The following CDHR5 variants were observed in gnomAD, a reference collection of about 807,000 sequenced individuals.
CDHR5 encodes the protein cadherin-related family member 5.
CDHR5 carries 82 observed loss-of-function variants against 69.5 expected under a neutral mutation model. That is an observed-to-expected ratio of 1.18 (90% CI 0.99 to 1.42). The LOEUF (loss-of-function observed/expected upper bound fraction) is 1.42, where lower values mean the gene tolerates loss of function less well. Ranked by LOEUF, CDHR5 falls within the 40% of genes most tolerant of loss-of-function variation. CDHR5 has a pLI of 0.00. For synonymous variants in CDHR5, 601 were observed against 510.2 expected, an observed-to-expected ratio of 1.18 and a Z score of -2.40; for missense variants, 1,293 against 1,168.9, an observed-to-expected ratio of 1.11 and a Z score of -1.55.
In CDHR5 at chr11:624,525, A is replaced by ACC. The variant is rs751774301; in HGVS notation, c.261+30_261+31dup. On this transcript the variant is annotated intron_variant, in intron 2 of 14. Transcript: ENST00000397542. The surrounding 1 kb of genome is among the most constrained non-coding windows in gnomAD (Gnocchi z 5.3). The stretch of plus-strand genomic sequence containing the variant: ...AGGATGCAGGTGCCCTTCTCCCGGG[A>ACC]CCCCCATATCCCGCCCGCCTGCCGC... 28 of 1,604,754 alleles carry ACC rather than the reference A, an allele frequency of 1.7e-5. No individual in the cohort carries two copies. Among genetic ancestry groups the ACC allele is most frequent in the Non-Finnish European group, 2.3e-5 (27 of 1,173,886 alleles).
Position 618,895 on chromosome 11 carries a change from A to T in CDHR5, c.1664T>A (p.Val555Glu). ...TGGTTGGTGGGAGGTGCTGGTTCCC[A>T]CACCGGGGGGCATCGGCTGAGAGGT... The part of the protein sequence containing the change: ...PGTSQPMPPG[V>E]GTSTSHQPAT... Residue 555 changes from valine (V) to glutamate (E), a missense_variant, in exon 13 of 15, where the codon GTG becomes GAG. Transcript: ENST00000397542. The T allele has an allele frequency of 6.3e-7, 1 of 1,580,990 alleles. No homozygotes were observed. The highest frequency in any genetic ancestry group is 8.6e-7 in the Non-Finnish European group (1 of 1,167,138).
At chr11:618,530 T>C in intron 13 of CDHR5, 69 bp downstream of exon 13, 1 of 1,571,744 alleles carries the variant, frequency 6.4e-7, no homozygotes. Context: ...GGGTGGACCC[T>C]TCCTACAGCG....
At chr11:622,136 G>A (rs12294192) in intron 3 of CDHR5, among the ~76,000 whole-genome samples, 7,156 of 152,168 alleles carry the variant, frequency 0.047, 198 homozygotes, top group Middle Eastern at 0.1. Context: ...ACGGCCACCC[G>A]TCCCCGCCGT....
intron 3 of CDHR5, among the ~76,000 whole-genome samples, chr11:622,191 C>T (rs1398181376): frequency 1.3e-5 from 2 of 152,242 alleles, no homozygotes; most frequent in Admixed American, 6.5e-5. Flanking sequence ...CTCGCTCATT[C>T]AGTTGTTGGG....
rs780622120 is a variant in CDHR5, at chr11:617,657, G to T, written c.2232C>A (p.Pro744=). 2.0e-6 allele frequency: 3 copies of T among 1,522,994 alleles called. No individual in the cohort carries two copies. Among genetic ancestry groups the T allele is most frequent in the Non-Finnish European group, 2.6e-6 (3 of 1,139,412 alleles). The allele number at this position is 1,522,994 out of a possible 1,614,324, so 94.3% of individuals were successfully genotyped here. A position where few individuals can be genotyped will look rare whatever the true frequency, so the allele number is the denominator to read the frequency against. The change falls in exon 15 of 15, where the codon CCC becomes CCA. Residue 744 remains proline (P), a synonymous_variant. Coordinates refer to ENST00000397542, the MANE Select transcript of CDHR5 (RefSeq NM_021924.5). ...HDPKPAEAPM[P]AEPAPPGPAS... The stretch of plus-strand genomic sequence containing the variant: ...CAGGGCCGGGGGGTGCGGGCTCTGC[G>T]GGCATCGGTGCCTCCGCGGGCTTGG...
Position 624,638 on chromosome 11 carries a change from C to T in CDHR5, c.180G>A (p.Val60=). 1 of 1,613,364 alleles carries T rather than the reference C, an allele frequency of 6.2e-7. No individual in the cohort carries two copies. Among genetic ancestry groups the T allele is most frequent in the Non-Finnish European group, 8.5e-7 (1 of 1,179,422 alleles). ...VDIHVPEGQE[V]TLGALSTPFA... The stretch of plus-strand genomic sequence containing the variant: ...AGGGGGTGGACAAGGCTCCGAGGGT[C>T]ACCTCCTGGCCCTCCGGGACGTGGA... Residue 60 remains valine, a synonymous_variant, in exon 2 of 15, where the codon GTG becomes GTA. Transcript: ENST00000397542. The surrounding 1 kb of genome is among the most constrained non-coding windows in gnomAD (Gnocchi z 5.3).
Position 619,276 on chromosome 11 carries a change from C to G in CDHR5, c.1378+30G>C, listed in dbSNP as rs755690461. Reference sequence around the variant, plus strand: ...ACCGAAGGGGCTTATTTGGAGAACCCTGGGGGCTCACCTGTGGAGGGGGGC... The same window carrying G: ...ACCGAAGGGGCTTATTTGGAGAACCGTGGGGGCTCACCTGTGGAGGGGGGC... On this transcript the variant is annotated intron_variant, in intron 12 of 14. Transcript: ENST00000397542. 6 of 1,551,716 alleles carry G rather than the reference C, an allele frequency of 3.9e-6. No homozygotes were observed. In the South Asian group the frequency reaches 5.6e-5, roughly 15 times the overall value.
chr11:619,549 G>A lies in CDHR5; in HGVS notation c.1218C>T (p.His406=), dbSNP rs1470458080. 13 of 1,613,914 alleles carry A rather than the reference G, an allele frequency of 8.1e-6. 1 individual carries two copies. The highest frequency in any genetic ancestry group is 3.3e-5 in the South Asian group (3 of 91,090). The change falls in exon 11 of 15, where the codon CAC becomes CAT. Residue 406 remains histidine (H), a synonymous_variant. Transcript: ENST00000397542. ...CCTCTCCCTCCATCCGGAAGTGTGA[G>A]TGGTTGGTAATTCGATATGTGATGG... The part of the protein sequence containing the change: ...NSAITYRITN[H]SHFRMEGEVV...
At position 621,268 on chromosome 11, in the gene CDHR5, G is replaced by A. The variant is rs779389817; in HGVS notation, c.619-18C>T. The A allele has an allele frequency of 5.0e-6, 8 of 1,606,460 alleles. No individual in the cohort carries two copies. The highest frequency in any genetic ancestry group is 6.8e-6 in the Non-Finnish European group (8 of 1,175,096). On this transcript the variant is annotated intron_variant, in intron 6 of 14. Coordinates refer to ENST00000397542, the MANE Select transcript of CDHR5 (RefSeq NM_021924.5). This position sits in a 1 kb window ranked among gnomAD's most constrained non-coding sequence, Gnocchi z 4.4. ...GGAGTGTCCTGCAACAGACGGCTGTGCTGGATCAGGCCTGGGAGCAGCTGG... is the reference window on the plus strand; with the variant it reads ...GGAGTGTCCTGCAACAGACGGCTGTACTGGATCAGGCCTGGGAGCAGCTGG...
rs375104662 is a variant in CDHR5 at position 619,080 on chromosome 11, C to T, written c.1479G>A (p.Thr493=). 29 of 1,611,836 alleles carry T rather than the reference C, an allele frequency of 1.8e-5. No individual in the cohort carries two copies. The highest frequency in any genetic ancestry group is 1.1e-4 in the East Asian group (5 of 44,834). The change falls in exon 13 of 15, where the codon ACG becomes ACA. Residue 493 remains threonine (T), a synonymous_variant. Transcript: ENST00000397542. ...RPPEPSQGPS[T]TSSGGGTGPH... is the part of the protein sequence containing the mutation. Reference sequence around the variant, plus strand: ...GGCCTGTGCCTCCCCCAGAGCTGGTCGTGGAGGGTCCCTGGGAGGGCTCAG... The same window carrying T: ...GGCCTGTGCCTCCCCCAGAGCTGGTTGTGGAGGGTCCCTGGGAGGGCTCAG...
chr11:620,236 G>T (rs985881195), intron 8 of CDHR5, 60 bp downstream of exon 8: 4 of 1,582,180 alleles, frequency 2.5e-6, no homozygotes, highest in Non-Finnish European at 3.5e-6. Flanking sequence ...TGCCCAAGGT[G>T]GGGATGGAGA....
chr11:621,870 T>C lies in CDHR5; in HGVS notation c.347A>G (p.Asp116Gly). 1 of 1,613,656 alleles carries C rather than the reference T, an allele frequency of 6.2e-7. No homozygotes were observed. The highest frequency in any genetic ancestry group is 8.5e-7 in the Non-Finnish European group (1 of 1,179,852). ...GAATTCGGGGGCATTGTCATTGACG[T>C]CCAGCACTGACACGAACACCCTTAG... ...TQLRVFVSVLDVNDNAPEFPF... is the reference protein window; with the variant it reads ...TQLRVFVSVLGVNDNAPEFPF... The change falls in exon 4 of 15, where the codon GAC becomes GGC. Residue 116 changes from aspartate (D) to glycine (G), a missense_variant. Asp to Gly is a moderately conservative substitution (Grantham distance 94). Coordinates refer to ENST00000397542, the MANE Select transcript of CDHR5 (RefSeq NM_021924.5). This position sits in a 1 kb window ranked among gnomAD's most constrained non-coding sequence, Gnocchi z 4.4.
chr11:619,859 CG>C lies in CDHR5; in HGVS notation c.1000del (p.Arg334AlafsTer4). 1 of 1,551,746 alleles carries C rather than the reference CG, an allele frequency of 6.4e-7. No homozygotes were observed. The highest frequency in any genetic ancestry group is 8.7e-7 in the Non-Finnish European group (1 of 1,152,420). On this transcript the variant is annotated frameshift_variant, in exon 10 of 15. Coordinates refer to ENST00000397542, the MANE Select transcript of CDHR5 (RefSeq NM_021924.5). LOFTEE classifies it high-confidence loss of function. ...LVKGQQADLA[R>X]YSVTQVTVEA... is the part of the protein sequence containing the mutation. ...CACGGTGACCTGGGTCACTGAGTAG[CG>C]GGCAAGGTCGGCCTGTTGGCCCTGG... is the stretch of plus-strand genomic sequence containing the variant.
In CDHR5 at chr11:618,737, C is replaced by T. The variant is rs538060575; in HGVS notation, c.1822G>A (p.Gly608Arg). The change falls in exon 13 of 15, where the codon GGA becomes AGA. Residue 608 changes from glycine to arginine, a missense_variant. Transcript: ENST00000397542. ...GGGTAQTPEA[G>R]TSQPMPPGMG... ...CCGGGGGGCATCGGCTGAGAGGTTCCTGCCTCTGGGGTCTGTGCTGTGCCC... is the reference window on the plus strand; with the variant it reads ...CCGGGGGGCATCGGCTGAGAGGTTCTTGCCTCTGGGGTCTGTGCTGTGCCC... 1.4e-5 allele frequency: 23 copies of T among 1,599,936 alleles called. 2 individuals are homozygous for T. In the African/African-American group the frequency reaches 2.9e-4, roughly 20 times the overall value.
chr11:620,848 G>A (rs551765312), intron 7 of CDHR5, among the ~76,000 whole-genome samples: 150 of 152,214 alleles, frequency 9.9e-4, no homozygotes, highest in African/African-American at 3.4e-3. Context: ...CCCTGAGACC[G>A]CCTGGCTCTG....
Position 617,360 on chromosome 11 carries a change from G to C in CDHR5, c.2529C>G (p.Ser843=). Residue 843 remains serine, a synonymous_variant, in exon 15 of 15, where the codon TCC becomes TCG. Coordinates refer to ENST00000397542, the MANE Select transcript of CDHR5 (RefSeq NM_021924.5). ...GPYDAPGGDD[S]YI is the part of the protein sequence containing the mutation. ...AGGGTGGAGGGGCCACTTAGATGTA[G>C]GAGTCATCACCACCGGGCGCATCGT... is the stretch of plus-strand genomic sequence containing the variant. 1 of 1,603,144 alleles carries C rather than the reference G, an allele frequency of 6.2e-7. No individual in the cohort carries two copies. Among genetic ancestry groups the C allele is most frequent in the Non-Finnish European group, 8.5e-7 (1 of 1,173,180 alleles).
At chr11:620,466 A>C (rs1407340483) in intron 7 of CDHR5, 80 bp from the exon 8 acceptor site, 35 of 1,022,042 alleles carry the variant, frequency 3.4e-5, no homozygotes, top group Non-Finnish European at 4.8e-5. Flanking sequence ...CTCCCCATCA[A>C]GGGCAGGGTT....
At position 616,863 on chromosome 11, in the gene CDHR5, A is replaced by G; in HGVS notation, c.*488T>C. 5.6e-6 allele frequency: 1 copy of G among 178,416 alleles called. No homozygotes were observed. Among genetic ancestry groups the G allele is most frequent in the Non-Finnish European group, 1.2e-5 (1 of 82,390 alleles). The allele number at this position is 178,416 out of a possible 1,614,324, so 11.1% of individuals were successfully genotyped here. ...TCAGAAGGGGACTAGGACCCCCGGCAGGTGTTTGAGACCACCGGCTCCCAA... is the reference window on the plus strand; with the variant it reads ...TCAGAAGGGGACTAGGACCCCCGGCGGGTGTTTGAGACCACCGGCTCCCAA... On this transcript the variant is annotated 3_prime_UTR_variant, in exon 15 of 15. Transcript: ENST00000397542.
chr11:623,031 G>A (rs1036319571), intron 3 of CDHR5, among the ~76,000 whole-genome samples: 3 of 151,922 alleles, frequency 2.0e-5, no homozygotes, highest in Non-Finnish European at 2.9e-5. Context: ...ATTGTCAGCC[G>A]GGCACGGTGG....
Sources: gnomAD v4.1 joint callset for allele counts (sites outside exome capture counted in the v4.1 genomes callset) on GRCh38, gnomAD v4.1.1 for gene constraint, Gnocchi (gnomAD v3.1) non-coding constraint, MANE v1.5 for transcripts, NCBI Gene and HGNC (gene_info 2026-07-23, HGNC 2026-07-21) for gene names.